LMBR1L: variants seen among roughly 807,000 people sequenced by gnomAD.
LMBR1L encodes protein LMBR1L.
Under a neutral mutation model 67.3 loss-of-function variants are expected in LMBR1L, and 47 were observed. That is an observed-to-expected ratio of 0.70 (90% confidence interval 0.55 to 0.89). LMBR1L has a LOEUF of 0.89. Among genes scored for constraint, LMBR1L ranks in the 40% least tolerant of loss-of-function variants. The pLI, the probability that LMBR1L is intolerant of heterozygous loss-of-function variation, is 0.00. For synonymous variants in LMBR1L, 247 were observed against 250.3 expected (o/e 0.99, Z 0.13); for missense variants, 533 against 599.2 (o/e 0.89, Z 1.15).
rs777908883 is a variant in LMBR1L, at chr12:49,103,644, C to A, written c.562+43G>T. 8.9e-6 allele frequency: 14 copies of A among 1,576,902 alleles called. No homozygotes were observed. In the Admixed American group the frequency reaches 2.6e-4, roughly 29 times the overall value. On this transcript the variant is annotated intron_variant, in intron 6 of 16. Coordinates refer to ENST00000267102, the MANE Select transcript of LMBR1L (RefSeq NM_018113.4). ...TCATTCCAGGCAGGGGGACATGGGC[C>A]AACTGAAAAGCCATGCAGCCTGGAG...
intron 15 of LMBR1L, among the ~76,000 whole-genome samples, chr12:49,098,491 A>T (rs1364843620): frequency 6.6e-6 from 1 of 151,434 alleles, no homozygotes; most frequent in East Asian, 1.9e-4. Context: ...TCATATCCCA[A>T]CTCCACCCCT....
chr12:49,106,056 C>G (rs1940866736), intron 2 of LMBR1L, 99 bp from the exon 3 acceptor site: 3 of 1,013,342 alleles, frequency 3.0e-6, no homozygotes, highest in South Asian at 3.0e-5. Context: ...ATCCCTGCCC[C>G]CTCAAAGAAG....
intron 1 of LMBR1L, among the ~76,000 whole-genome samples, chr12:49,108,752 CA>C (rs980755137): frequency 6.6e-6 from 1 of 151,434 alleles, no homozygotes; most frequent in East Asian, 1.9e-4. Context: ...CTAAACAAAA[CA>C]AAAAAAACAC....
intron 1 of LMBR1L, among the ~76,000 whole-genome samples, chr12:49,107,309 A>G (rs979754979): frequency 1.3e-5 from 2 of 152,236 alleles, no homozygotes; most frequent in Non-Finnish European, 2.9e-5. Context: ...CAAGGACTTC[A>G]TTGGGAGAAA....
Position 49,104,354 on chromosome 12 carries a change from A to T in LMBR1L, c.435+94T>A, listed in dbSNP as rs1188353703. On this transcript the variant is annotated intron_variant, in intron 5 of 16. Coordinates refer to ENST00000267102, the MANE Select transcript of LMBR1L (RefSeq NM_018113.4). Reference sequence around the variant, plus strand: ...CTAGAGCCTCAAACTTCCGTTAACTAAACCTCTGCAAATAGCCTCTTTATT... The same window carrying T: ...CTAGAGCCTCAAACTTCCGTTAACTTAACCTCTGCAAATAGCCTCTTTATT... 2.1e-5 allele frequency: 20 copies of T among 957,704 alleles called. No individual in the cohort carries two copies. The Admixed American group carries it at 2.1e-4, about 10-fold the overall frequency. 59.3% of individuals were successfully genotyped at this position (957,704 alleles called of 1,614,324 possible). A position where few individuals can be genotyped will look rare whatever the true frequency, so the allele number is the denominator to read the frequency against.
rs12314634 is a variant in LMBR1L, at chr12:49,104,415, C to T, written c.435+33G>A. The T allele has an allele frequency of 6.9e-3, 9,792 of 1,422,828 alleles. 546 individuals are homozygous for T. The African/African-American group carries it at 0.12, about 18-fold the overall frequency. The allele number at this position is 1,422,828 out of a possible 1,614,324, so 88.1% of individuals were successfully genotyped here. On this transcript the variant is annotated intron_variant, in intron 5 of 16. Transcript: ENST00000267102. ...CAGCTGAACCATGTGTGTGGAATTC[C>T]GTTTCCTGCCTGGATACATATCCCC...
intron 1 of LMBR1L, among the ~76,000 whole-genome samples, chr12:49,108,122 G>A (rs759616255): frequency 6.6e-6 from 1 of 152,106 alleles, no homozygotes; most frequent in Non-Finnish European, 1.5e-5. Context: ...AATTAGCTGG[G>A]TGTGGTGGTG....
rs1183915947 is a variant in LMBR1L, at chr12:49,104,565, G to A, written c.332-14C>T. On this transcript the variant is annotated splice_polypyrimidine_tract_variant and intron_variant, in intron 4 of 16. Transcript: ENST00000267102. ...GGTTCCAGAGGCCTAGAGCAAAAAA[G>A]GAAGAGCAGAAGTGGTCAGTAAGGG... 5.0e-6 allele frequency: 8 copies of A among 1,606,300 alleles called. No individual in the cohort carries two copies. Among genetic ancestry groups the A allele is most frequent in the Middle Eastern group, 1.7e-4 (1 of 6,042 alleles).
At chr12:49,102,645 C>T in intron 8 of LMBR1L, 105 bp from the exon 9 acceptor site, 1 of 1,215,158 alleles carries the variant, frequency 8.2e-7, no homozygotes, top group Admixed American at 2.0e-5. Context: ...AGGCTTCCCC[C>T]AGACCCTCAT....
At chr12:49,098,537 T>C (rs918618354) in intron 15 of LMBR1L, among the ~76,000 whole-genome samples, 4 of 152,192 alleles carry the variant, frequency 2.6e-5, no homozygotes, top group African/African-American at 7.2e-5. Flanking sequence ...TTCCTTAAAT[T>C]TTCTGTGCCT....
chr12:49,101,650 G>GACT lies in LMBR1L; in HGVS notation c.931-104_931-102dup, dbSNP rs1439028885. 3.7e-6 allele frequency: 3 copies of GACT among 809,868 alleles called. No individual in the cohort carries two copies. In the African/African-American group the frequency reaches 5.1e-5, roughly 14 times the overall value. The allele number at this position is 809,868 out of a possible 1,614,324, so 50.2% of individuals were successfully genotyped here. On this transcript the variant is annotated intron_variant, in intron 11 of 16. Transcript: ENST00000267102. Reference sequence around the variant, plus strand: ...CTGGTCCAACATTTTCAGTTTCCAAGACTAGCTCTGCTTCCAATGAGCTAT... The same window carrying GACT: ...CTGGTCCAACATTTTCAGTTTCCAAGACTACTAGCTCTGCTTCCAATGAGCTAT...
intron 3 of LMBR1L, chr12:49,105,103 T>G (rs1940731213): frequency 3.7e-6 from 2 of 546,418 alleles, no homozygotes; most frequent in South Asian, 4.8e-5. Context: ...GGGCACAGCC[T>G]CGGGCATTCA....
chr12:49,104,607 G>GA (rs753582620), intron 4 of LMBR1L, 56 bp from the exon 5 acceptor site: 11 of 1,563,110 alleles, frequency 7.0e-6, no homozygotes, highest in Non-Finnish European at 9.7e-6. Flanking sequence ...CAACCCACAG[G>GA]AGACTGACCA....
intron 1 of LMBR1L, among the ~76,000 whole-genome samples, chr12:49,109,457 T>C (rs1299301636): frequency 6.6e-6 from 1 of 152,234 alleles, no homozygotes; most frequent in Non-Finnish European, 1.5e-5. Context: ...AATTATGTCC[T>C]GGCTCAATTT....
intron 15 of LMBR1L, among the ~76,000 whole-genome samples, chr12:49,098,454 C>T (rs954214498): frequency 1.3e-5 from 2 of 152,058 alleles, no homozygotes; most frequent in African/African-American, 4.8e-5. Flanking sequence ...GGTTGCTGGG[C>T]GCTCATACTC....
Position 49,102,937 on chromosome 12 carries a change from C to A in LMBR1L, c.646G>T (p.Gly216Cys). Residue 216 changes from glycine (G) to cysteine (C), a missense_variant, in exon 8 of 17, where the codon GGT (glycine) becomes TGT (cysteine). Physicochemically the swap from Gly to Cys is radical, Grantham distance 159. Coordinates refer to ENST00000267102, the MANE Select transcript of LMBR1L (RefSeq NM_018113.4). The stretch of plus-strand genomic sequence containing the variant: ...GTGACGGAGAACATGCGGGCGAGAC[C>A]CAGTGGAGTACACACTGTAGGGACA... ...VLLLLVCTPL[G>C]LARMFSVTGK... The A allele has an allele frequency of 6.2e-7, 1 of 1,614,058 alleles. No homozygotes were observed. Among genetic ancestry groups the A allele is most frequent in the Non-Finnish European group, 8.5e-7 (1 of 1,180,008 alleles).
chr12:49,100,180 T>C (rs983444118), intron 15 of LMBR1L, among the ~76,000 whole-genome samples: 1 of 152,226 alleles, frequency 6.6e-6, no homozygotes, highest in Non-Finnish European at 1.5e-5. Flanking sequence ...CAGTGGGATG[T>C]AGCAAATGTA....
At chr12:49,104,346 C>T (rs1413251957) in intron 5 of LMBR1L, 102 bp downstream of exon 5, 3 of 887,728 alleles carry the variant, frequency 3.4e-6, no homozygotes, top group African/African-American at 3.3e-5. Context: ...CTCAAACTTC[C>T]GTTAACTAAA....
At position 49,097,564 on chromosome 12, in the gene LMBR1L, A is replaced by C; in HGVS notation, c.*108T>G. 2.7e-6 allele frequency: 3 copies of C among 1,129,160 alleles called. No homozygotes were observed. The South Asian group carries it at 3.9e-5, about 15-fold the overall frequency. 69.9% of individuals were successfully genotyped at this position (1,129,160 alleles called of 1,614,324 possible). Reference sequence around the variant, plus strand: ...ATGGCTCTGCTCCCCTCTGCCACCCACCCTCTCAGATTCCAGGTCCTGAGG... The same window carrying C: ...ATGGCTCTGCTCCCCTCTGCCACCCCCCCTCTCAGATTCCAGGTCCTGAGG... On this transcript the variant is annotated 3_prime_UTR_variant, in exon 17 of 17. Transcript: ENST00000267102.
Sources: allele counts gnomAD v4.1 joint callset (sites outside exome capture counted in the v4.1 genomes callset), GRCh38; gene constraint gnomAD v4.1.1; transcripts MANE v1.5; gene names NCBI Gene and HGNC (gene_info 2026-07-23, HGNC 2026-07-21).